Variants in SUSD1 observed in about 807,000 individuals in gnomAD.
SUSD1 encodes sushi domain containing 1, also known as sushi domain-containing protein 1.
SUSD1 carries 65 observed loss-of-function variants against 86.9 expected under a neutral mutation model. The observed-to-expected ratio is 0.75, with a 90% CI of 0.61 to 0.92. The LOEUF is 0.92. Among genes scored for constraint, SUSD1 ranks in the 40% least tolerant of loss-of-function variants. The probability of loss-of-function intolerance (pLI) is 0.00; values close to 1 mark genes in which losing one functional copy is unlikely to be tolerated. For missense variants in SUSD1, 850 were observed against 929.7 expected (o/e 0.91, Z 1.11); for synonymous variants, 346 against 350.0 (o/e 0.99, Z 0.13).
intron 3 of SUSD1, among the ~76,000 whole-genome samples, chr9:112,144,804 C>T (rs938171125): frequency 6.7e-5 from 8 of 119,642 alleles, no homozygotes; most frequent in Non-Finnish European, 1.2e-4. Flanking sequence ...AGGACATGCC[C>T]TTTTGCAGAT....
chr9:112,131,579 T>C (rs1832035799), intron 5 of SUSD1, among the ~76,000 whole-genome samples: 1 of 152,100 alleles, frequency 6.6e-6, no homozygotes, highest in Non-Finnish European at 1.5e-5. Flanking sequence ...TAGTTCCTAC[T>C]AAGAAATACT....
Position 112,112,711 on chromosome 9 carries a change from C to T in SUSD1, c.984+60G>A. ...CTCTCACGGAAGCAAGTCCCTCTGA[C>T]TCATATTCCCATGGGTGACGTGTCT... is the stretch of plus-strand genomic sequence containing the variant. On this transcript the variant is annotated intron_variant, in intron 7 of 16. Coordinates refer to ENST00000374270, the MANE Select transcript of SUSD1 (RefSeq NM_022486.5). 5.2e-6 allele frequency: 6 copies of T among 1,144,572 alleles called. No individual in the cohort carries two copies. The South Asian group carries it at 7.5e-5, about 14-fold the overall frequency. 70.9% of individuals were successfully genotyped at this position (1,144,572 alleles called of 1,614,324 possible). A position where few individuals can be genotyped will look rare whatever the true frequency, so the allele number is the denominator to read the frequency against.
intron 15 of SUSD1, among the ~76,000 whole-genome samples, chr9:112,049,725 G>A (rs1247086691): frequency 6.6e-6 from 1 of 152,324 alleles, no homozygotes; most frequent in East Asian, 1.9e-4. Context: ...TGCCCAAGAT[G>A]GGTGCACAAC....
intron 10 of SUSD1, among the ~76,000 whole-genome samples, chr9:112,083,519 C>T (rs769401483): frequency 3.3e-4 from 50 of 152,174 alleles, no homozygotes; most frequent in Non-Finnish European, 5.1e-4. Context: ...TGAGCCACCG[C>T]CCCCAGCCAC....
intron 11 of SUSD1, 76 bp from the exon 12 acceptor site, chr9:112,078,800 T>C (rs1432990920): frequency 4.4e-6 from 5 of 1,126,756 alleles, no homozygotes; most frequent in Non-Finnish European, 6.3e-6. Context: ...CCCCTTTTCC[T>C]TTTTCTTTCT....
intron 5 of SUSD1, among the ~76,000 whole-genome samples, chr9:112,136,945 C>T (rs1215491343): frequency 1.3e-5 from 2 of 152,158 alleles, no homozygotes; most frequent in African/African-American, 4.8e-5. Flanking sequence ...TGTCTTGGCA[C>T]CCCTCTCCTA....
chr9:112,071,517 A>G (rs540927313), intron 12 of SUSD1, among the ~76,000 whole-genome samples: 27 of 152,320 alleles, frequency 1.8e-4, no homozygotes, highest in African/African-American at 6.3e-4. Flanking sequence ...AATTTGTAAT[A>G]TTTATCAAAA....
chr9:112,153,251 A>C (rs1470291479), intron 2 of SUSD1, among the ~76,000 whole-genome samples: 1 of 151,912 alleles, frequency 6.6e-6, no homozygotes, highest in Non-Finnish European at 1.5e-5. Context: ...CAGGTGACAA[A>C]GTGAGACCCT....
intron 12 of SUSD1, among the ~76,000 whole-genome samples, chr9:112,069,823 C>G (rs558531979): frequency 2.0e-5 from 3 of 151,732 alleles, no homozygotes; most frequent in Admixed American, 2.0e-4. Flanking sequence ...AACTGCAGAC[C>G]GAGCAGGAAG....
In SUSD1 at chr9:112,138,256, TGTGTATATAC is replaced by T. The variant is rs1224071619; in HGVS notation, c.706+4054_706+4063del. Among the ~76,000 whole-genome samples the T allele has an allele frequency of 4.5e-3, 429 of 95,866 alleles. 13 individuals are homozygous for T. Among genetic ancestry groups the T allele is most frequent in the African/African-American group, 0.015 (331 of 22,184 alleles). The allele number at this position is 95,866 out of a possible 152,430, so 62.9% of individuals were successfully genotyped here. A position where few individuals can be genotyped will look rare whatever the true frequency, so the allele number is the denominator to read the frequency against. On this transcript the variant is annotated intron_variant, in intron 5 of 16. Coordinates refer to ENST00000374270, the MANE Select transcript of SUSD1 (RefSeq NM_022486.5). ...AAATGTGTATATATATATATATATA[TGTGTATATAC>T]ATATATATATATATGAAGTCCAGGA...
chr9:112,072,643 G>A (rs1303531843), intron 12 of SUSD1, among the ~76,000 whole-genome samples: 1 of 152,150 alleles, frequency 6.6e-6, no homozygotes, highest in Non-Finnish European at 1.5e-5. Context: ...GGGTCTGGGA[G>A]ACACCCATCC....
chr9:112,142,272 A>G, intron 5 of SUSD1, 48 bp downstream of exon 5: 1 of 1,409,770 alleles, frequency 7.1e-7, no homozygotes, highest in South Asian at 1.7e-5. Flanking sequence ...ATATGAAAAC[A>G]GTTTCAAGGT....
At chr9:112,081,891 G>A (rs1829782005) in intron 10 of SUSD1, among the ~76,000 whole-genome samples, 1 of 152,100 alleles carries the variant, frequency 6.6e-6, no homozygotes, top group African/African-American at 2.4e-5. Context: ...TTTATAAATG[G>A]AACTGTTAAT....
intron 10 of SUSD1, among the ~76,000 whole-genome samples, chr9:112,083,829 C>T (rs1026667639): frequency 1.3e-5 from 2 of 152,166 alleles, no homozygotes; most frequent in South Asian, 2.1e-4. Flanking sequence ...AGAACTTTCT[C>T]GCCATCCACT....
At chr9:112,083,213 C>G (rs13288945) in intron 10 of SUSD1, among the ~76,000 whole-genome samples, 40,461 of 152,078 alleles carry the variant, frequency 0.27, 5,753 homozygotes, top group Non-Finnish European at 0.32. Flanking sequence ...ATGTCCAAAA[C>G]TTACACGAAG....
chr9:112,102,074 A>G (rs1830655930), intron 9 of SUSD1, 102 bp downstream of exon 9: 1 of 593,616 alleles, frequency 1.7e-6, no homozygotes, highest in Non-Finnish European at 2.9e-6. Flanking sequence ...CAAACTGTCT[A>G]GAAGTTCATT....
At chr9:112,078,980 AT>A (rs1360297871) in intron 11 of SUSD1, among the ~76,000 whole-genome samples, 7 of 151,532 alleles carry the variant, frequency 4.6e-5, no homozygotes, top group Non-Finnish European at 8.8e-5. Flanking sequence ...CATCCAGCTA[AT>A]TTTTGTATTT....
intron 8 of SUSD1, 103 bp from the exon 9 acceptor site, chr9:112,102,388 G>A: frequency 2.0e-6 from 1 of 488,468 alleles, no homozygotes; most frequent in South Asian, 4.3e-5. Context: ...GAGCCAATTG[G>A]GTGTTTAACA....
At chr9:112,054,313 A>C (rs1022341177) in intron 14 of SUSD1, among the ~76,000 whole-genome samples, 2 of 152,204 alleles carry the variant, frequency 1.3e-5, no homozygotes, top group African/African-American at 4.8e-5. Flanking sequence ...GGCTGGGCAC[A>C]CTGGCTCACA....
Sources: gnomAD v4.1 joint callset for allele counts (sites outside exome capture counted in the v4.1 genomes callset) on GRCh38, gnomAD v4.1.1 for gene constraint, MANE v1.5 for transcripts, NCBI Gene and HGNC (gene_info 2026-07-23, HGNC 2026-07-21) for gene names.